DDC: variants seen among roughly 807,000 people sequenced by gnomAD.
DDC encodes aromatic-L-amino-acid decarboxylase.
DDC carries 43 observed loss-of-function variants against 60.0 expected under a neutral mutation model. The observed-to-expected ratio is 0.72, with a 90% CI of 0.56 to 0.92. DDC has a LOEUF of 0.92. Among genes scored for constraint, DDC ranks in the 40% least tolerant of loss-of-function variants. The probability of loss-of-function intolerance (pLI) is 0.00; values close to 1 mark genes in which losing one functional copy is unlikely to be tolerated. For synonymous variants in DDC, 232 were observed against 234.6 expected (o/e 0.99, Z 0.10); for missense variants, 573 against 620.2 (o/e 0.92, Z 0.81).
intron 9 of DDC, among the ~76,000 whole-genome samples, chr7:50,487,381 C>T (rs906813748): frequency 1.3e-5 from 2 of 152,022 alleles, no homozygotes; most frequent in African/African-American, 2.4e-5. Flanking sequence ...AGTAGTGTAT[C>T]GTAGGATGTG....
chr7:50,512,643 G>A (rs2153542369), intron 6 of DDC, among the ~76,000 whole-genome samples: 1 of 152,318 alleles, frequency 6.6e-6, no homozygotes, highest in South Asian at 2.1e-4. Flanking sequence ...TTGGGAGTCT[G>A]CACTTTGATT....
chr7:50,555,257 A>G (rs898049494), intron 1 of DDC, among the ~76,000 whole-genome samples: 18 of 152,160 alleles, frequency 1.2e-4, no homozygotes, highest in African/African-American at 4.3e-4. Flanking sequence ...TGGGTTCCTG[A>G]GAAGCATGGC....
chr7:50,493,102 G>C (rs987164702), intron 9 of DDC: 3 of 988,642 alleles, frequency 3.0e-6, no homozygotes, highest in Non-Finnish European at 4.6e-6. Context: ...GTCCCTGACC[G>C]CTTCAGTTTC....
intron 6 of DDC, among the ~76,000 whole-genome samples, chr7:50,516,734 C>T (rs374000983): frequency 1.5e-4 from 23 of 151,958 alleles, no homozygotes; most frequent in Admixed American, 3.3e-4. Flanking sequence ...CACTAAGAAA[C>T]GAAACAGGAG....
intron 12 of DDC, among the ~76,000 whole-genome samples, chr7:50,469,056 C>T (rs574416023): frequency 2.7e-4 from 41 of 150,602 alleles, no homozygotes; most frequent in Admixed American, 2.5e-3. Context: ...TCTTCTGCCT[C>T]AGCCTCCCGA....
intron 4 of DDC, among the ~76,000 whole-genome samples, chr7:50,534,461 G>A (rs770941961): frequency 3.3e-5 from 5 of 152,172 alleles, no homozygotes; most frequent in Non-Finnish European, 5.9e-5. Context: ...TCCAGGCATG[G>A]TGATGGGTGC....
At chr7:50,478,413 C>G (rs1348443023) in intron 10 of DDC, among the ~76,000 whole-genome samples, 1 of 152,224 alleles carries the variant, frequency 6.6e-6, no homozygotes, top group East Asian at 1.9e-4. Flanking sequence ...GTTTCAAGCA[C>G]TCAGTAGCCA....
intron 11 of DDC, among the ~76,000 whole-genome samples, chr7:50,472,813 T>C (rs73695702): frequency 0.04 from 6,031 of 152,220 alleles, 253 homozygotes; most frequent in African/African-American, 0.11. Flanking sequence ...TGACGGGGGA[T>C]AGAACTACCA....
chr7:50,546,023 C>G (rs2044797353), intron 1 of DDC, among the ~76,000 whole-genome samples: 1 of 152,066 alleles, frequency 6.6e-6, no homozygotes, highest in South Asian at 2.1e-4. Context: ...GATCACATGA[C>G]CAGTAATTGC....
At chr7:50,511,278 T>C (rs887007986) in intron 6 of DDC, among the ~76,000 whole-genome samples, 1 of 150,942 alleles carries the variant, frequency 6.6e-6, no homozygotes, top group Non-Finnish European at 1.5e-5. Context: ...GATAGAGATA[T>C]AATAGAGTAC....
At chr7:50,472,326 T>C (rs569087212) in intron 11 of DDC, among the ~76,000 whole-genome samples, 19 of 152,308 alleles carry the variant, frequency 1.2e-4, no homozygotes, top group African/African-American at 4.3e-4. Flanking sequence ...GTAAAACCCA[T>C]TTGACCCTCA....
At chr7:50,535,277 G>A (rs1300986293) in intron 4 of DDC, among the ~76,000 whole-genome samples, 1 of 151,940 alleles carries the variant, frequency 6.6e-6, no homozygotes, top group Non-Finnish European at 1.5e-5. Context: ...CTCCCAAGTA[G>A]CTGGGATTAT....
chr7:50,537,531 G>A (rs1246895577), intron 4 of DDC, among the ~76,000 whole-genome samples: 1 of 152,240 alleles, frequency 6.6e-6, no homozygotes, highest in Non-Finnish European at 1.5e-5. Context: ...AGTGGCCGGC[G>A]ATGGGGAACC....
At chr7:50,558,893 G>A (rs374345975) in intron 1 of DDC, among the ~76,000 whole-genome samples, 5 of 152,322 alleles carry the variant, frequency 3.3e-5, no homozygotes, top group African/African-American at 1.2e-4. Context: ...TGAGAGAACA[G>A]GGGAATGTGG....
intron 11 of DDC, among the ~76,000 whole-genome samples, chr7:50,472,659 G>T (rs114128177): frequency 6.6e-6 from 1 of 152,218 alleles, no homozygotes; most frequent in African/African-American, 2.4e-5. Context: ...ACCCAGGACC[G>T]TGCAAACTGG....
intron 6 of DDC, among the ~76,000 whole-genome samples, chr7:50,519,994 G>C (rs1434291750): frequency 2.0e-5 from 3 of 152,188 alleles, no homozygotes; most frequent in Admixed American, 6.5e-5. Flanking sequence ...AAATCCTGAA[G>C]ATGGGCGAGA....
chr7:50,496,476 C>A (rs183370015), intron 8 of DDC, among the ~76,000 whole-genome samples: 1 of 152,216 alleles, frequency 6.6e-6, no homozygotes, highest in Non-Finnish European at 1.5e-5. Flanking sequence ...TGTGAACAAC[C>A]GGCTCTGGCT....
At chr7:50,477,344 T>C (rs11575472) in intron 10 of DDC, among the ~76,000 whole-genome samples, 3,453 of 152,320 alleles carry the variant, frequency 0.023, 103 homozygotes, top group Non-Finnish European at 0.025. Flanking sequence ...AGGTGAGGAT[T>C]ATGACAACAT....
chr7:50,553,457 CTTTTTTTCT>C (rs2045076484), intron 1 of DDC, among the ~76,000 whole-genome samples: 2 of 139,222 alleles, frequency 1.4e-5, no homozygotes, highest in Admixed American at 1.4e-4. Flanking sequence ...TAGCTGCTTT[CTTTTTTTCT>C]TTTCTTTTCT....
Sources: allele counts gnomAD v4.1 joint callset (sites outside exome capture counted in the v4.1 genomes callset), GRCh38; gene constraint gnomAD v4.1.1; transcripts MANE v1.5; gene names NCBI Gene and HGNC (gene_info 2026-07-23, HGNC 2026-07-21).